HYCC2: variants seen among roughly 807,000 people sequenced by gnomAD.
HYCC2 encodes hyccin 2.
chr2:201,042,998 G>A, the HYCC2 span, among the ~76,000 whole-genome samples: 22 of 152,260 alleles, frequency 1.4e-4, no homozygotes, highest in African/African-American at 5.3e-4. Flanking sequence ...AGAAAAGGGG[G>A]AAATGTGGGG....
the HYCC2 span, among the ~76,000 whole-genome samples, chr2:201,030,267 A>G: frequency 2.0e-5 from 3 of 152,252 alleles, no homozygotes; most frequent in South Asian, 6.2e-4. Flanking sequence ...TCTGTATCTC[A>G]ACTATTACCT....
At chr2:201,026,314 C>T in the HYCC2 span, among the ~76,000 whole-genome samples, 2 of 152,090 alleles carry the variant, frequency 1.3e-5, no homozygotes, top group Non-Finnish European at 2.9e-5. Context: ...ATTCATAAAG[C>T]AAGTCCTTAG....
chr2:201,031,575 T>C, the HYCC2 span, among the ~76,000 whole-genome samples: 1 of 152,104 alleles, frequency 6.6e-6, no homozygotes, highest in Admixed American at 6.5e-5. Context: ...CACTTCAACC[T>C]GGGAAGCGGA....
the HYCC2 span, among the ~76,000 whole-genome samples, chr2:201,021,278 T>C: frequency 6.6e-6 from 1 of 152,156 alleles, no homozygotes; most frequent in East Asian, 1.9e-4. Context: ...GTTAGAGCCT[T>C]CTAACCTGAC....
chr2:201,040,083 G>T, the HYCC2 span, among the ~76,000 whole-genome samples: 1 of 151,488 alleles, frequency 6.6e-6, no homozygotes, highest in Non-Finnish European at 1.5e-5. Flanking sequence ...CTGGGGCAGA[G>T]AATTGCTTGA....
chr2:201,016,095 G>A, the HYCC2 span, among the ~76,000 whole-genome samples: 1 of 151,954 alleles, frequency 6.6e-6, no homozygotes, highest in African/African-American at 2.4e-5. Context: ...CAACTCAATG[G>A]CATACATCCA....
At chr2:200,979,264 T>TACAC in the HYCC2 span, 743 of 144,278 alleles carry the variant, frequency 5.1e-3, 4 homozygotes, top group East Asian at 0.011. Context: ...ATACACACCA[T>TACAC]ACACACACAC....
chr2:201,071,189 C>T, the HYCC2 span, among the ~76,000 whole-genome samples: 1 of 152,212 alleles, frequency 6.6e-6, no homozygotes, highest in East Asian at 1.9e-4. Flanking sequence ...CTCCCCCTCA[C>T]CACCCCCAGG....
the HYCC2 span, among the ~76,000 whole-genome samples, chr2:201,025,427 A>G: frequency 6.6e-6 from 1 of 151,920 alleles, no homozygotes; most frequent in Non-Finnish European, 1.5e-5. Flanking sequence ...ATTTTTTCAA[A>G]GAGATGAAGG....
the HYCC2 span, among the ~76,000 whole-genome samples, chr2:200,999,415 C>G: frequency 1.3e-4 from 19 of 151,460 alleles, no homozygotes; most frequent in African/African-American, 2.7e-4. Context: ...GACAGAGTCT[C>G]GGTCTTGTCA....
chr2:201,066,214 C>T, the HYCC2 span, among the ~76,000 whole-genome samples: 1 of 152,126 alleles, frequency 6.6e-6, no homozygotes, highest in Non-Finnish European at 1.5e-5. Flanking sequence ...GCTAGCACTA[C>T]AGGTGTGCAC....
the HYCC2 span, chr2:201,017,116 G>A: frequency 3.1e-6 from 5 of 1,613,678 alleles, no homozygotes; most frequent in Admixed American, 1.7e-5. Context: ...CTCTTAAGTC[G>A]AACCTCTGAG....
the HYCC2 span, chr2:200,980,973 G>C: frequency 5.1e-6 from 2 of 395,886 alleles, no homozygotes; most frequent in Non-Finnish European, 9.3e-6. Context: ...AAATGGGACC[G>C]ATCAGCCTAC....
chr2:200,988,396 A>AATGAGTTTTTC, the HYCC2 span: 1 of 1,612,812 alleles, frequency 6.2e-7, no homozygotes, highest in Non-Finnish European at 8.5e-7. Context: ...ATCAAATGGT[A>AATGAGTTTTTC]ATGAGTTTTT....
chr2:201,061,720 T>A, the HYCC2 span, among the ~76,000 whole-genome samples: 1 of 152,124 alleles, frequency 6.6e-6, no homozygotes, highest in Non-Finnish European at 1.5e-5. Flanking sequence ...ATTATTTTAC[T>A]GACTGTCATT....
the HYCC2 span, among the ~76,000 whole-genome samples, chr2:201,001,696 C>G: frequency 6.6e-5 from 10 of 151,098 alleles, no homozygotes; most frequent in African/African-American, 1.9e-4. Context: ...TTTTTTGAGA[C>G]AGAGTCTTGC....
chr2:201,038,232 G>A, the HYCC2 span, among the ~76,000 whole-genome samples: 1 of 152,152 alleles, frequency 6.6e-6, no homozygotes, highest in African/African-American at 2.4e-5. Flanking sequence ...TCATTACAAA[G>A]TCAGGAAACA....
At chr2:201,034,013 A>C in the HYCC2 span, among the ~76,000 whole-genome samples, 1 of 151,924 alleles carries the variant, frequency 6.6e-6, no homozygotes, top group Non-Finnish European at 1.5e-5. Context: ...AGGCTAAATT[A>C]CTATTTTAAA....
At chr2:201,004,229 G>A in the HYCC2 span, among the ~76,000 whole-genome samples, 1 of 152,166 alleles carries the variant, frequency 6.6e-6, no homozygotes, top group Admixed American at 6.5e-5. Context: ...AAAAAAACAG[G>A]CATATGGAAA....
Sources: allele counts gnomAD v4.1 joint callset (sites outside exome capture counted in the v4.1 genomes callset), GRCh38; gene constraint gnomAD v4.1.1; transcripts MANE v1.5; gene names NCBI Gene and HGNC (gene_info 2026-07-23, HGNC 2026-07-21).